CTNNA3: variants seen among roughly 807,000 people sequenced by gnomAD.
CTNNA3 encodes the protein catenin alpha-3.
Under a neutral mutation model 95.7 loss-of-function variants are expected in CTNNA3, and 76 were observed. That is an observed-to-expected ratio of 0.79 (90% CI 0.66 to 0.96). CTNNA3 has a LOEUF of 0.96. Ranked by LOEUF, CTNNA3 falls within the 40% of genes least tolerant of loss-of-function variation. CTNNA3 has a pLI of 0.00. For synonymous variants in CTNNA3, 431 were observed against 374.4 expected, an observed-to-expected ratio of 1.15 and a Z score of -1.74; for missense variants, 1,191 against 1,089.8, an observed-to-expected ratio of 1.09 and a Z score of -1.31.
intron 7 of CTNNA3, among the ~76,000 whole-genome samples, chr10:67,094,936 A>G (rs79207738): frequency 0.017 from 2,641 of 151,580 alleles, 80 homozygotes; most frequent in East Asian, 0.11. Context: ...TCCAAAACTG[A>G]TGTATCACCA....
At chr10:66,878,283 C>A (rs1379589836) in intron 7 of CTNNA3, among the ~76,000 whole-genome samples, 3 of 152,080 alleles carry the variant, frequency 2.0e-5, no homozygotes, top group Non-Finnish European at 2.9e-5. Flanking sequence ...AGTTCTAAAT[C>A]CGGCTCACGG....
In CTNNA3 at chr10:66,519,810, A is replaced by G. The variant is rs185671028; in HGVS notation, c.1531+807T>C. 3.9e-5 allele frequency among the ~76,000 whole-genome samples: 6 copies of G among 152,276 alleles called. No individual in the cohort carries two copies. The East Asian group carries it at 1.2e-3, about 29-fold the overall frequency. ...GGGCACATGTCATCAGGAACTTCTG[A>G]GGCTGAGTCATGGGTGCGTGTCCTG... On this transcript the variant is annotated intron_variant, in intron 11 of 17. Transcript: ENST00000433211.
At chr10:67,481,845 A>G (rs889847365) in intron 5 of CTNNA3, among the ~76,000 whole-genome samples, 6 of 152,126 alleles carry the variant, frequency 3.9e-5, no homozygotes, top group Non-Finnish European at 7.4e-5. Flanking sequence ...CTGAATGGTA[A>G]TGCCTAGGTT....
intron 3 of CTNNA3, among the ~76,000 whole-genome samples, chr10:67,557,823 A>G (rs1233246979): frequency 6.6e-6 from 1 of 152,216 alleles, no homozygotes; most frequent in African/African-American, 2.4e-5. Context: ...TATTTTAGGT[A>G]GAAACCCCAC....
chr10:67,102,259 G>GA (rs1378876574), intron 7 of CTNNA3, among the ~76,000 whole-genome samples: 1 of 151,642 alleles, frequency 6.6e-6, no homozygotes. Flanking sequence ...TTACCCCAAA[G>GA]GTAGGGTACC....
chr10:66,405,053 G>C (rs1382737479), intron 11 of CTNNA3, among the ~76,000 whole-genome samples: 1 of 152,178 alleles, frequency 6.6e-6, no homozygotes, highest in East Asian at 1.9e-4. Context: ...AAGAAATACA[G>C]AAGAGTTAAG....
chr10:67,752,870 C>G (rs577959724), intron 1 of CTNNA3, among the ~76,000 whole-genome samples: 14 of 152,210 alleles, frequency 9.2e-5, no homozygotes, highest in Admixed American at 7.9e-4. Flanking sequence ...TAGGGAGAAT[C>G]AATATCGTGA....
At chr10:66,851,161 G>T (rs1322248499) in intron 7 of CTNNA3, among the ~76,000 whole-genome samples, 1 of 151,984 alleles carries the variant, frequency 6.6e-6, no homozygotes, top group Admixed American at 6.6e-5. Flanking sequence ...CCTCCTCTCT[G>T]TGAAGTTAGG....
At position 65,935,939 on chromosome 10, in the gene CTNNA3, T is replaced by C. The variant is rs530132563; in HGVS notation, c.2401-15322A>G. Among the ~76,000 whole-genome samples the C allele has an allele frequency of 3.3e-5, 5 of 152,270 alleles. No homozygotes were observed. The East Asian group carries it at 7.7e-4, about 24-fold the overall frequency. On this transcript the variant is annotated intron_variant, in intron 17 of 17. Coordinates refer to ENST00000433211, the MANE Select transcript of CTNNA3 (RefSeq NM_013266.4). The stretch of plus-strand genomic sequence containing the variant: ...TATTGGAACTGATAAAGAAGTGAGA[T>C]GGTCTGTGGAATAGACAGTCAAGAG...
At chr10:67,593,753 T>C (rs1564768595) in intron 3 of CTNNA3, among the ~76,000 whole-genome samples, 1 of 152,282 alleles carries the variant, frequency 6.6e-6, no homozygotes, top group East Asian at 1.9e-4. Context: ...TTTTTTTTTC[T>C]TTCTCTTGAC....
chr10:67,372,568 G>A (rs1486969312), intron 5 of CTNNA3, among the ~76,000 whole-genome samples: 3 of 152,168 alleles, frequency 2.0e-5, no homozygotes, highest in Admixed American at 1.3e-4. Flanking sequence ...TATTATCCAG[G>A]AGAACTTCCC....
At chr10:66,700,939 T>C (rs904314797) in intron 9 of CTNNA3, among the ~76,000 whole-genome samples, 2 of 152,310 alleles carry the variant, frequency 1.3e-5, no homozygotes, top group African/African-American at 4.8e-5. Context: ...TTTCGTCCCT[T>C]TTTTCCTTTC....
At chr10:66,809,039 G>C (rs146804099) in intron 7 of CTNNA3, among the ~76,000 whole-genome samples, 1 of 152,158 alleles carries the variant, frequency 6.6e-6, no homozygotes. Flanking sequence ...CCACGACTAT[G>C]TATTATATGA....
At chr10:66,390,149 C>T (rs1303479288) in intron 11 of CTNNA3, among the ~76,000 whole-genome samples, 11 of 152,092 alleles carry the variant, frequency 7.2e-5, no homozygotes. Context: ...TTTCTACAGC[C>T]AAAGTAGAAT....
At chr10:66,448,040 A>G (rs976610187) in intron 11 of CTNNA3, among the ~76,000 whole-genome samples, 2 of 152,238 alleles carry the variant, frequency 1.3e-5, no homozygotes, top group African/African-American at 4.8e-5. Flanking sequence ...ACTTCTCAAA[A>G]GAAGACATTT....
At chr10:65,992,857 T>C (rs2078572997) in intron 15 of CTNNA3, among the ~76,000 whole-genome samples, 1 of 152,134 alleles carries the variant, frequency 6.6e-6, no homozygotes, top group African/African-American at 2.4e-5. Flanking sequence ...CTTTCTAGTT[T>C]TTTATAGTAG....
chr10:66,091,625 T>G (rs2081215726), intron 14 of CTNNA3, among the ~76,000 whole-genome samples: 1 of 150,666 alleles, frequency 6.6e-6, no homozygotes, highest in African/African-American at 2.4e-5. Context: ...CATCAGAGAG[T>G]GAAGGTAATG....
intron 17 of CTNNA3, among the ~76,000 whole-genome samples, chr10:65,924,314 C>A (rs754310951): frequency 1.3e-5 from 2 of 152,068 alleles, no homozygotes; most frequent in Non-Finnish European, 2.9e-5. Flanking sequence ...CTCTCCATAG[C>A]GGGCTGTATA....
At chr10:66,300,447 CA>C (rs2091844572) in intron 12 of CTNNA3, among the ~76,000 whole-genome samples, 1 of 151,928 alleles carries the variant, frequency 6.6e-6, no homozygotes, top group African/African-American at 2.4e-5. Context: ...TTCTAAACAA[CA>C]GAGCACGGAA....
Sources: gnomAD v4.1 joint callset for allele counts (sites outside exome capture counted in the v4.1 genomes callset) on GRCh38, gnomAD v4.1.1 for gene constraint, MANE v1.5 for transcripts, NCBI Gene and HGNC (gene_info 2026-07-23, HGNC 2026-07-21) for gene names.